Variants in KCNAB1 observed in about 807,000 individuals in gnomAD.
KCNAB1 encodes voltage-gated potassium channel subunit beta-1.
A neutral mutation model predicts 64.6 loss-of-function variants in KCNAB1; 35 were observed. The ratio of observed to expected loss-of-function variants is 0.54; its 90% CI spans 0.41 to 0.72. KCNAB1 has a LOEUF of 0.72. Among genes scored for constraint, KCNAB1 ranks in the 30% least tolerant of loss-of-function variants. KCNAB1 has a pLI of 0.00. For synonymous variants in KCNAB1, 177 were observed against 183.8 expected (o/e 0.96, Z 0.30); for missense variants, 401 against 512.9 (o/e 0.78, Z 2.11).
At chr3:156,176,581 A>G in intron 1 of KCNAB1, 1 of 840,212 alleles carries the variant, frequency 1.2e-6, no homozygotes, top group Non-Finnish European at 2.1e-6. Context: ...TCACTGCTCC[A>G]CTGTGTTCCT....
chr3:156,215,767 G>A (rs747798571), intron 1 of KCNAB1: 2 of 152,266 alleles, frequency 1.3e-5, no homozygotes, highest in Non-Finnish European at 2.9e-5. Context: ...AAGGATCAGA[G>A]AGAGGCTGAA....
chr3:156,498,308 G>A (rs547476929), intron 8 of KCNAB1, among the ~76,000 whole-genome samples: 1 of 152,206 alleles, frequency 6.6e-6, no homozygotes, highest in African/African-American at 2.4e-5. Flanking sequence ...GTTCAGCTGC[G>A]TCCCCACCCA....
chr3:156,401,063 G>C (rs1293159265), intron 1 of KCNAB1, among the ~76,000 whole-genome samples: 1 of 152,146 alleles, frequency 6.6e-6, no homozygotes, highest in African/African-American at 2.4e-5. Context: ...CTCCTTCTTG[G>C]GGGGTTTATA....
chr3:156,429,405 G>A (rs1716055000), intron 2 of KCNAB1, among the ~76,000 whole-genome samples: 1 of 152,216 alleles, frequency 6.6e-6, no homozygotes, highest in South Asian at 2.1e-4. Context: ...GGGCAGGTGG[G>A]GTGAGCTGGC....
intron 1 of KCNAB1, among the ~76,000 whole-genome samples, chr3:156,331,665 A>C (rs1174502013): frequency 6.6e-6 from 1 of 152,078 alleles, no homozygotes; most frequent in Non-Finnish European, 1.5e-5. Context: ...AACCCTGATA[A>C]TAGCAGATAG....
intron 1 of KCNAB1, among the ~76,000 whole-genome samples, chr3:156,387,746 A>C (rs1712722478): frequency 6.6e-6 from 1 of 152,236 alleles, no homozygotes; most frequent in Non-Finnish European, 1.5e-5. Flanking sequence ...AGGGTGAATC[A>C]GTGTTTTAGA....
At chr3:156,476,575 A>G (rs1714374818) in intron 8 of KCNAB1, among the ~76,000 whole-genome samples, 1 of 147,554 alleles carries the variant, frequency 6.8e-6, no homozygotes, top group South Asian at 2.1e-4. Flanking sequence ...ACACACACAC[A>G]CACATATATA....
At chr3:156,353,113 T>A (rs1041023334) in intron 1 of KCNAB1, among the ~76,000 whole-genome samples, 2 of 152,226 alleles carry the variant, frequency 1.3e-5, no homozygotes, top group Non-Finnish European at 2.9e-5. Flanking sequence ...AATTTGCCAA[T>A]TGTAAAATTA....
chr3:156,322,869 C>G (rs1365514152), intron 1 of KCNAB1, among the ~76,000 whole-genome samples: 1 of 152,204 alleles, frequency 6.6e-6, no homozygotes, highest in East Asian at 1.9e-4. Context: ...TAATGAGCCT[C>G]TTAGCCCATG....
intron 1 of KCNAB1, among the ~76,000 whole-genome samples, chr3:156,244,701 T>C (rs1325444241): frequency 1.3e-5 from 2 of 152,246 alleles, no homozygotes; most frequent in Non-Finnish European, 2.9e-5. Context: ...ACCCCCAATG[T>C]CAATATCTCT....
At chr3:156,160,626 G>A (rs1302117810) in intron 1 of KCNAB1, among the ~76,000 whole-genome samples, 1 of 152,156 alleles carries the variant, frequency 6.6e-6, no homozygotes, top group East Asian at 1.9e-4. Context: ...ATCCAAAAAA[G>A]GTATTTCTGG....
chr3:156,270,601 C>G (rs1718974755), intron 1 of KCNAB1, among the ~76,000 whole-genome samples: 1 of 152,164 alleles, frequency 6.6e-6, no homozygotes, highest in South Asian at 2.1e-4. Context: ...AATTTTGTCT[C>G]TCTGCTTTGT....
chr3:156,144,048 AG>A (rs755010131), intron 1 of KCNAB1, among the ~76,000 whole-genome samples: 166 of 152,250 alleles, frequency 1.1e-3, no homozygotes, highest in Non-Finnish European at 2.0e-3. Context: ...TTCTTGGTAT[AG>A]GGTTGGATGT....
At chr3:156,460,225 A>G (rs1226661700) in intron 5 of KCNAB1, 1 of 208,632 alleles carries the variant, frequency 4.8e-6, no homozygotes, top group Non-Finnish European at 9.5e-6. Context: ...CCCCCCACAC[A>G]CATGCATTTA....
intron 1 of KCNAB1, among the ~76,000 whole-genome samples, chr3:156,306,361 C>G (rs1039059832): frequency 3.9e-5 from 6 of 152,132 alleles, no homozygotes; most frequent in African/African-American, 1.4e-4. Context: ...TCACCAGGAC[C>G]TGCAAAGAGC....
chr3:156,434,135 A>G (rs1287457733), intron 2 of KCNAB1, among the ~76,000 whole-genome samples: 1 of 152,204 alleles, frequency 6.6e-6, no homozygotes, highest in East Asian at 1.9e-4. Flanking sequence ...AAAGATTATG[A>G]AAAGCACTGA....
chr3:156,283,899 C>T lies in KCNAB1; in HGVS notation c.276-137717C>T, dbSNP rs1719907047. On this transcript the variant is annotated intron_variant, in intron 1 of 13. Transcript: ENST00000490337. ...TTTTTCAAAGTTTTCAACTTCTTTG[C>T]CTTTGGTTTGAATGTCCTCCCGTAG... Among the ~76,000 whole-genome samples, 3 of 151,266 alleles carry T rather than the reference C, an allele frequency of 2.0e-5. No individual in the cohort carries two copies. The South Asian group carries it at 6.3e-4, about 32-fold the overall frequency.
chr3:156,288,769 T>C (rs1020887192), intron 1 of KCNAB1, among the ~76,000 whole-genome samples: 1 of 152,220 alleles, frequency 6.6e-6, no homozygotes, highest in Non-Finnish European at 1.5e-5. Context: ...GGGACACTCA[T>C]CTACACACAA....
intron 1 of KCNAB1, among the ~76,000 whole-genome samples, chr3:156,159,234 G>A (rs1715931289): frequency 6.6e-6 from 1 of 151,988 alleles, no homozygotes; most frequent in African/African-American, 2.4e-5. Flanking sequence ...CTTGAGCTTT[G>A]GGTCTTATTC....
Sources: gnomAD v4.1 joint callset for allele counts (sites outside exome capture counted in the v4.1 genomes callset) on GRCh38, gnomAD v4.1.1 for gene constraint, MANE v1.5 for transcripts, NCBI Gene and HGNC (gene_info 2026-07-23, HGNC 2026-07-21) for gene names.